DIABLO: variants seen among roughly 807,000 people sequenced by gnomAD.
DIABLO encodes the protein diablo homolog, mitochondrial.
DIABLO carries 32 observed loss-of-function variants against 31.7 expected under a neutral mutation model. That is an observed-to-expected ratio of 1.01 (90% CI 0.76 to 1.35). The LOEUF is 1.35. Ranked by LOEUF, DIABLO falls within the 40% of genes most tolerant of loss-of-function variation. DIABLO has a pLI of 0.00. For synonymous variants in DIABLO, 132 were observed against 103.2 expected (o/e 1.28, Z -1.69); for missense variants, 316 against 286.4 (o/e 1.10, Z -0.75).
chr12:122,208,316 G>A lies in DIABLO; in HGVS notation c.*65C>T. On this transcript the variant is annotated 3_prime_UTR_variant, in exon 6 of 6. Coordinates refer to ENST00000464942, the MANE Select transcript of DIABLO (RefSeq NM_001371333.1). ...TGCACAGACAGTCATGCCAACCCTG[G>A]GCAGGGTGGCATCTGCCCCTGCTTT... 6.4e-7 allele frequency: 1 copy of A among 1,566,820 alleles called. No individual in the cohort carries two copies. Among genetic ancestry groups the A allele is most frequent in the Non-Finnish European group, 8.7e-7 (1 of 1,145,288 alleles).
intron 1 of DIABLO, chr12:122,225,358 G>C (rs983149309): frequency 2.0e-6 from 2 of 980,224 alleles, no homozygotes; most frequent in East Asian, 2.2e-4. Flanking sequence ...CTGCACTCCA[G>C]CCTGGGCGAC....
chr12:122,227,315 A>AGTGTCAG (rs1954498391), upstream of DIABLO: 2 of 447,604 alleles, frequency 4.5e-6, no homozygotes, highest in African/African-American at 4.0e-5. Flanking sequence ...CACTCCCCAC[A>AGTGTCAG]GTGTCAGGCA....
chr12:122,223,194 G>A (rs748275675), intron 2 of DIABLO, among the ~76,000 whole-genome samples: 1 of 152,022 alleles, frequency 6.6e-6, no homozygotes, highest in Non-Finnish European at 1.5e-5. Flanking sequence ...CAGCACCTTG[G>A]GATGCCGAGG....
intron 3 of DIABLO, 110 bp downstream of exon 3, chr12:122,218,156 C>T: frequency 1.5e-6 from 2 of 1,302,336 alleles, no homozygotes; most frequent in Non-Finnish European, 2.2e-6. Context: ...AACAAATAGG[C>T]CTGGCTATGT....
At position 122,208,501 on chromosome 12, in the gene DIABLO, G is replaced by C; in HGVS notation, c.600C>G (p.Leu200=). The change falls in exon 6 of 6, where the codon CTC becomes CTG. Residue 200 remains leucine, a synonymous_variant. Transcript: ENST00000464942. The part of the protein sequence containing the change: ...VKLQVEEVHQ[L]SRKAETKLAE... ...CCAGCTTGGTTTCTGCTTTCCGGGA[G>C]AGCTGGTGCACCTCTTCCACCTGCA... 1.9e-6 allele frequency: 3 copies of C among 1,614,138 alleles called. No individual in the cohort carries two copies. The highest frequency in any genetic ancestry group is 2.5e-6 in the Non-Finnish European group (3 of 1,180,044).
At position 122,218,183 on chromosome 12, in the gene DIABLO, C is replaced by A. The variant is rs945380822; in HGVS notation, c.315+83G>T. ...TGGCTATGTTTCAATCAAATACCAA[C>A]ATGGGTATCAGACACAATTTGGTTG... On this transcript the variant is annotated intron_variant, in intron 3 of 5. Coordinates refer to ENST00000464942, the MANE Select transcript of DIABLO (RefSeq NM_001371333.1). The A allele has an allele frequency of 1.1e-5, 16 of 1,495,562 alleles. No homozygotes were observed. The African/African-American group carries it at 1.8e-4, about 17-fold the overall frequency. 92.6% of individuals were successfully genotyped at this position (1,495,562 alleles called of 1,614,324 possible).
intron 3 of DIABLO, 28 bp downstream of exon 3, chr12:122,218,238 G>A (rs760169613): frequency 1.2e-5 from 19 of 1,613,478 alleles, no homozygotes; most frequent in Admixed American, 1.7e-5. Flanking sequence ...CCATGGTTTA[G>A]AAGATCAAGA....
chr12:122,226,285 G>A (rs1212953080), upstream of DIABLO: 1 of 682,476 alleles, frequency 1.5e-6, no homozygotes, highest in Non-Finnish European at 2.6e-6. Context: ...GCGCGGAGCT[G>A]AGTCGGGCGC....
intron 1 of DIABLO, chr12:122,224,919 G>A: frequency 1.8e-6 from 2 of 1,115,976 alleles, no homozygotes; most frequent in Admixed American, 3.0e-5. Context: ...GACCAGCCTG[G>A]GCAACATGGC....
intron 1 of DIABLO, chr12:122,225,764 C>G (rs1455675672): frequency 4.2e-6 from 6 of 1,440,092 alleles, no homozygotes; most frequent in Non-Finnish European, 5.4e-6. Flanking sequence ...GATGGACGAA[C>G]TGAAAAGGAA....
intron 5 of DIABLO, among the ~76,000 whole-genome samples, chr12:122,214,575 G>A (rs551495447): frequency 3.3e-5 from 5 of 152,028 alleles, no homozygotes; most frequent in Admixed American, 1.3e-4. Context: ...ACAGGCGAGC[G>A]CCAATACGCC....
intron 5 of DIABLO, 186 bp from the exon 6 acceptor site, chr12:122,208,763 ACT>A (rs773973142): frequency 4.1e-5 from 29 of 704,816 alleles, no homozygotes; most frequent in African/African-American, 1.9e-4. Context: ...TTTAACTGAC[ACT>A]CTGTCAAAAA....
rs1384779174 is a variant in DIABLO, at chr12:122,208,366, A to G, written c.*15T>C. The G allele has an allele frequency of 1.2e-6, 2 of 1,611,118 alleles. No individual in the cohort carries two copies. Among genetic ancestry groups the G allele is most frequent in the East Asian group, 2.2e-5 (1 of 44,880 alleles). Reference sequence around the variant, plus strand: ...TCCCCACTGAGTGGGGAGACAGGGCAGTGTGCTCAGGCCCTCAATCCTCAC... The same window carrying G: ...TCCCCACTGAGTGGGGAGACAGGGCGGTGTGCTCAGGCCCTCAATCCTCAC... On this transcript the variant is annotated 3_prime_UTR_variant, in exon 6 of 6. Coordinates refer to ENST00000464942, the MANE Select transcript of DIABLO (RefSeq NM_001371333.1).
chr12:122,225,789 A>AG (rs5801477), intron 1 of DIABLO, 176 bp downstream of exon 1: 3 of 1,455,376 alleles, frequency 2.1e-6, no homozygotes, highest in African/African-American at 2.9e-5. Context: ...GGCTTGACCC[A>AG]GGGGGCGGAG....
At chr12:122,227,452 G>A, upstream of DIABLO, 1 of 454,150 alleles carries the variant, frequency 2.2e-6, no homozygotes, top group South Asian at 1.6e-5. Flanking sequence ...GATCTCGGCA[G>A]AACTGAGATT....
chr12:122,213,405 G>A (rs565862130), intron 5 of DIABLO, among the ~76,000 whole-genome samples: 2 of 151,804 alleles, frequency 1.3e-5, no homozygotes, highest in African/African-American at 4.8e-5. Flanking sequence ...AGACTGACAT[G>A]GTAGGATCGC....
intron 1 of DIABLO, 49 bp downstream of exon 1, chr12:122,225,916 G>A: frequency 1.3e-6 from 2 of 1,556,000 alleles, no homozygotes; most frequent in South Asian, 1.2e-5. Flanking sequence ...CGCTGTCCGC[G>A]TCGGTCCCTC....
chr12:122,216,084 C>G (rs905000529), intron 5 of DIABLO, among the ~76,000 whole-genome samples: 1 of 152,088 alleles, frequency 6.6e-6, no homozygotes, highest in South Asian at 2.1e-4. Flanking sequence ...GACTATGATT[C>G]CAGGTCTCAT....
At chr12:122,225,247 G>A (rs1954429511) in intron 1 of DIABLO, 2 of 261,532 alleles carry the variant, frequency 7.6e-6, no homozygotes, top group Non-Finnish European at 1.2e-5. Flanking sequence ...AATTAGCCGG[G>A]CGTGGTGGCG....
Sources: gnomAD v4.1 joint callset for allele counts (sites outside exome capture counted in the v4.1 genomes callset) on GRCh38, gnomAD v4.1.1 for gene constraint, MANE v1.5 for transcripts, NCBI Gene and HGNC (gene_info 2026-07-23, HGNC 2026-07-21) for gene names.